SUCLA2: variants seen among roughly 807,000 people sequenced by gnomAD.
SUCLA2 encodes the protein succinate--CoA ligase [ADP-forming] subunit beta, mitochondrial.
In SUCLA2, 30 loss-of-function variants were observed where a neutral mutation model predicts 54.8. The observed-to-expected ratio is 0.55, with a 90% CI of 0.41 to 0.74. The LOEUF is 0.74. SUCLA2 is among the 30% of genes least tolerant of loss of function. The pLI is 0.00. For missense variants in SUCLA2, 476 were observed against 562.9 expected (o/e 0.85, Z 1.56); for synonymous variants, 172 against 188.9 (o/e 0.91, Z 0.74).
At chr13:47,970,496 C>T (rs1949954286) in intron 5 of SUCLA2, among the ~76,000 whole-genome samples, 1 of 152,210 alleles carries the variant, frequency 6.6e-6, no homozygotes, top group African/African-American at 2.4e-5. Context: ...TTATATCATT[C>T]ATTTGCCAAA....
chr13:47,994,245 C>T (rs907536140), intron 2 of SUCLA2, among the ~76,000 whole-genome samples: 4 of 151,706 alleles, frequency 2.6e-5, no homozygotes, highest in Non-Finnish European at 4.4e-5. Context: ...ATCCCATAAT[C>T]GTTATCTTTT....
chr13:47,950,224 G>A (rs1949765569), intron 8 of SUCLA2, among the ~76,000 whole-genome samples: 1 of 152,168 alleles, frequency 6.6e-6, no homozygotes, highest in African/African-American at 2.4e-5. Flanking sequence ...TGACAAGAGG[G>A]TCTGAGATGT....
intron 1 of SUCLA2, among the ~76,000 whole-genome samples, chr13:47,998,818 G>C (rs1351495289): frequency 1.3e-5 from 2 of 152,144 alleles, no homozygotes; most frequent in African/African-American, 4.8e-5. Flanking sequence ...TGCAGACGAT[G>C]GTTACACAGG....
intron 2 of SUCLA2, among the ~76,000 whole-genome samples, chr13:47,993,990 G>A (rs867352708): frequency 2.6e-5 from 4 of 151,476 alleles, no homozygotes; most frequent in South Asian, 2.1e-4. Flanking sequence ...CCCAGGAGGC[G>A]GAGGTTGCGG....
chr13:47,975,530 A>G (rs1202762566), intron 4 of SUCLA2, among the ~76,000 whole-genome samples: 1 of 152,198 alleles, frequency 6.6e-6, no homozygotes. Context: ...ATAGGATTGC[A>G]TTCATTACTG....
At chr13:47,981,970 G>A (rs1039020937) in intron 4 of SUCLA2, among the ~76,000 whole-genome samples, 4 of 152,144 alleles carry the variant, frequency 2.6e-5, no homozygotes, top group South Asian at 4.1e-4. Context: ...GGGAGACATA[G>A]CGAGACTCTG....
At chr13:47,957,456 C>A (rs1340201794) in intron 6 of SUCLA2, among the ~76,000 whole-genome samples, 1 of 152,122 alleles carries the variant, frequency 6.6e-6, no homozygotes, top group African/African-American at 2.4e-5. Flanking sequence ...AAGCAGCTGC[C>A]CACCCAGTTT....
intron 2 of SUCLA2, among the ~76,000 whole-genome samples, chr13:47,993,717 T>C (rs1351714092): frequency 1.3e-5 from 2 of 152,166 alleles, no homozygotes; most frequent in African/African-American, 2.4e-5. Context: ...ATGTCACTTG[T>C]TGAGCAAAGC....
chr13:48,000,007 A>G (rs555579994), intron 1 of SUCLA2, among the ~76,000 whole-genome samples: 2 of 152,162 alleles, frequency 1.3e-5, no homozygotes, highest in Non-Finnish European at 2.9e-5. Flanking sequence ...CCCATTTTCT[A>G]AAAACTAAAT....
At chr13:47,958,122 G>A (rs1751490584) in intron 6 of SUCLA2, among the ~76,000 whole-genome samples, 1 of 152,320 alleles carries the variant, frequency 6.6e-6, no homozygotes, top group African/African-American at 2.4e-5. Flanking sequence ...TGGTTAGTAT[G>A]TGATGTTCTC....
Position 47,990,458 on chromosome 13 carries a change from TA to T in SUCLA2, c.272-1478del, listed in dbSNP as rs200621361. On this transcript the variant is annotated intron_variant, in intron 2 of 10. Coordinates refer to ENST00000646932, the MANE Select transcript of SUCLA2 (RefSeq NM_003850.3). The stretch of plus-strand genomic sequence containing the variant: ...TACCACAAAAATATTATGTATCAGT[TA>T]AAAAAAAAGAGTAATACCTCTTAGA... 1.4e-4 allele frequency among the ~76,000 whole-genome samples: 21 copies of T among 151,068 alleles called. 1 individual carries two copies. The highest frequency in any genetic ancestry group is 1.0e-3 in the South Asian group (5 of 4,762).
intron 3 of SUCLA2, 81 bp from the exon 4 acceptor site, chr13:47,988,784 T>C: frequency 6.3e-7 from 1 of 1,590,862 alleles, no homozygotes; most frequent in East Asian, 2.2e-5. Context: ...AAATTTTATC[T>C]CATCTAATAT....
chr13:47,954,050 C>T, intron 8 of SUCLA2, 90 bp downstream of exon 8: 1 of 1,164,706 alleles, frequency 8.6e-7, no homozygotes, highest in South Asian at 2.8e-5. Flanking sequence ...TATATGAATT[C>T]TAAATTCTAA....
At chr13:47,959,335 T>G (rs924621514) in intron 6 of SUCLA2, among the ~76,000 whole-genome samples, 1 of 147,674 alleles carries the variant, frequency 6.8e-6, no homozygotes, top group African/African-American at 2.5e-5. Flanking sequence ...GTTATAAAGA[T>G]AATAATTTTG....
At position 47,983,553 on chromosome 13, in the gene SUCLA2, G is replaced by A. The variant is rs1046442679; in HGVS notation, c.534+4988C>T. On this transcript the variant is annotated intron_variant, in intron 4 of 10. Transcript: ENST00000646932. ...CGCCCAGGCTGGAGTGCAGTGGTGCGATATGGGCTCACTGCAAGCTCCGCC... is the reference window on the plus strand; with the variant it reads ...CGCCCAGGCTGGAGTGCAGTGGTGCAATATGGGCTCACTGCAAGCTCCGCC... 4.6e-4 allele frequency among the ~76,000 whole-genome samples: 69 copies of A among 148,636 alleles called. 1 individual carries two copies. The highest frequency in any genetic ancestry group is 3.4e-3 in the Admixed American group (51 of 14,812).
chr13:47,998,658 T>A (rs1309563666), intron 1 of SUCLA2, among the ~76,000 whole-genome samples: 2 of 152,176 alleles, frequency 1.3e-5, no homozygotes, highest in Non-Finnish European at 2.9e-5. Flanking sequence ...GAATATATAC[T>A]TACATGATTT....
At chr13:47,945,422 C>CAAAA (rs10661341) in intron 10 of SUCLA2, among the ~76,000 whole-genome samples, 10,097 of 49,932 alleles carry the variant, frequency 0.2, 2,388 homozygotes, top group African/African-American at 0.34. Context: ...GACTCAGTCT[C>CAAAA]AAAAAAAAAA....
At position 47,988,614 on chromosome 13, in the gene SUCLA2, T is replaced by A. The variant is rs1344890908; in HGVS notation, c.461A>T (p.Gln154Leu). ...ATATTTTCGCTCACAGACCAATACT[T>A]GATTGCATATTCTGCCCTTTTCTCC... ...QTGEKGRICNQVLVCERKYPR... is the reference protein window; with the variant it reads ...QTGEKGRICNLVLVCERKYPR... The change falls in exon 4 of 11, where the codon CAA becomes CTA. Residue 154 changes from glutamine (Q) to leucine (L), a missense_variant. By Grantham distance (113) the Gln-to-Leu change is moderately radical. Coordinates refer to ENST00000646932, the MANE Select transcript of SUCLA2 (RefSeq NM_003850.3). 1 of 1,614,006 alleles carries A rather than the reference T, an allele frequency of 6.2e-7. No individual in the cohort carries two copies. Among genetic ancestry groups the A allele is most frequent in the Non-Finnish European group, 8.5e-7 (1 of 1,179,958 alleles).
chr13:47,951,620 G>C (rs1949776901), intron 8 of SUCLA2, among the ~76,000 whole-genome samples: 1 of 152,108 alleles, frequency 6.6e-6, no homozygotes, highest in South Asian at 2.1e-4. Flanking sequence ...TAATTCATCA[G>C]CAATCCTCAA....
Sources: allele counts gnomAD v4.1 joint callset (sites outside exome capture counted in the v4.1 genomes callset), GRCh38; gene constraint gnomAD v4.1.1; transcripts MANE v1.5; gene names NCBI Gene and HGNC (gene_info 2026-07-23, HGNC 2026-07-21).